Variants in PPM1E observed in about 807,000 individuals in gnomAD.
PPM1E encodes protein phosphatase 1E.
PPM1E carries 20 observed loss-of-function variants against 65.9 expected under a neutral mutation model. That is an observed-to-expected ratio of 0.30 (90% CI 0.21 to 0.44). The LOEUF (loss-of-function observed/expected upper bound fraction) is 0.44. PPM1E is among the 20% of genes least tolerant of loss of function. The pLI, the probability that PPM1E is intolerant of heterozygous loss-of-function variation, is 1.00. For synonymous variants in PPM1E, 352 were observed against 374.9 expected (o/e 0.94, Z 0.70); for missense variants, 713 against 953.1 (o/e 0.75, Z 3.32).
At chr17:58,819,182 G>A (rs1369247729) in intron 1 of PPM1E, among the ~76,000 whole-genome samples, 1 of 152,152 alleles carries the variant, frequency 6.6e-6, no homozygotes, top group African/African-American at 2.4e-5. Context: ...GTCTCACTCT[G>A]TCACCCAGGC....
chr17:58,756,532 C>T (rs1181425555), intron 1 of PPM1E, 71 bp downstream of exon 1: 1 of 1,254,050 alleles, frequency 8.0e-7, no homozygotes, highest in Non-Finnish European at 1.0e-6. Context: ...GCGGCTCCCT[C>T]GGCCCCTCAA....
At chr17:58,824,986 C>G (rs1164307520) in intron 1 of PPM1E, among the ~76,000 whole-genome samples, 1 of 151,684 alleles carries the variant, frequency 6.6e-6, no homozygotes, top group Admixed American at 6.6e-5. Flanking sequence ...GATGCAAAGG[C>G]ATAAGAAGGA....
intron 1 of PPM1E, among the ~76,000 whole-genome samples, chr17:58,803,160 A>G (rs1325267404): frequency 6.6e-6 from 1 of 152,198 alleles, no homozygotes; most frequent in African/African-American, 2.4e-5. Context: ...TCCTGATCTT[A>G]AAGGAAAAGC....
At chr17:58,865,538 G>A (rs541678608) in intron 1 of PPM1E, among the ~76,000 whole-genome samples, 12 of 152,172 alleles carry the variant, frequency 7.9e-5, no homozygotes, top group South Asian at 4.1e-4. Flanking sequence ...GGCGAAACCC[G>A]TCTCTACAAA....
intron 1 of PPM1E, among the ~76,000 whole-genome samples, chr17:58,823,027 T>A (rs2050496294): frequency 6.6e-6 from 1 of 152,340 alleles, no homozygotes; most frequent in Admixed American, 6.5e-5. Context: ...CTCTTCTTGT[T>A]TGACCTGGGG....
intron 4 of PPM1E, 105 bp downstream of exon 4, chr17:58,969,832 T>A: frequency 2.8e-6 from 3 of 1,057,584 alleles, no homozygotes; most frequent in Non-Finnish European, 4.1e-6. Flanking sequence ...GGGCAGACAT[T>A]ATCCAAACTG....
At chr17:58,965,974 T>C in intron 3 of PPM1E, 81 bp downstream of exon 3, 1 of 1,372,332 alleles carries the variant, frequency 7.3e-7, no homozygotes, top group Non-Finnish European at 1.0e-6. Context: ...AAGGAAAACT[T>C]CTGTTATATT....
In PPM1E at chr17:58,981,075, A is replaced by G. The variant is rs1195498751; in HGVS notation, c.*44A>G. On this transcript the variant is annotated 3_prime_UTR_variant, in exon 7 of 7. Transcript: ENST00000308249. ...TAGCTAGCTCTCCCCCAATAAAAAT[A>G]CCACTATCAGAGTAGAAACAAGGTA... The G allele has an allele frequency of 1.5e-6, 2 of 1,350,184 alleles. No homozygotes were observed. The highest frequency in any genetic ancestry group is 1.5e-5 in the African/African-American group (1 of 68,080). 83.6% of individuals were successfully genotyped at this position (1,350,184 alleles called of 1,614,324 possible).
chr17:58,828,127 G>A (rs928681381), intron 1 of PPM1E, among the ~76,000 whole-genome samples: 3 of 150,706 alleles, frequency 2.0e-5, no homozygotes, highest in Admixed American at 1.3e-4. Flanking sequence ...GCTGAGGCAG[G>A]AGAATCACTT....
At chr17:58,790,728 A>G (rs1270021513) in intron 1 of PPM1E, among the ~76,000 whole-genome samples, 1 of 152,062 alleles carries the variant, frequency 6.6e-6, no homozygotes, top group Non-Finnish European at 1.5e-5. Flanking sequence ...CTGAACTTCA[A>G]TGGCCAGAAT....
At chr17:58,891,266 GA>G (rs2051340984) in intron 1 of PPM1E, among the ~76,000 whole-genome samples, 1 of 152,000 alleles carries the variant, frequency 6.6e-6, no homozygotes, top group African/African-American at 2.4e-5. Flanking sequence ...CGCACCTGGT[GA>G]AATTAAATAA....
intron 1 of PPM1E, among the ~76,000 whole-genome samples, chr17:58,767,672 C>T (rs1333205508): frequency 2.0e-5 from 3 of 152,126 alleles, no homozygotes; most frequent in South Asian, 2.1e-4. Flanking sequence ...GATGGAGTTT[C>T]GCTCTTGTTG....
chr17:58,956,435 C>CA (rs1157561564), intron 2 of PPM1E, among the ~76,000 whole-genome samples: 96 of 110,096 alleles, frequency 8.7e-4, no homozygotes, highest in African/African-American at 3.0e-3. Context: ...AACTCTGTCT[C>CA]AAAAAAAAAC....
intron 1 of PPM1E, among the ~76,000 whole-genome samples, chr17:58,881,931 G>T (rs910426928): frequency 3.0e-4 from 43 of 144,480 alleles, no homozygotes; most frequent in Non-Finnish European, 4.5e-4. Flanking sequence ...TACTGAGGCA[G>T]TTGGATGACT....
rs769666977 is a variant in PPM1E, at chr17:58,756,073, TGCG to T, written c.86_88del (p.Gly29del). On this transcript the variant is annotated inframe_deletion, in exon 1 of 7. Transcript: ENST00000308249. ...ATTCCTGGGCGAGTTTCGCGGACCG[TGCG>T]GCGGCGGCGAGCCGGAGCCGGAACC... is the stretch of plus-strand genomic sequence containing the variant. The T allele has an allele frequency of 6.2e-7, 1 of 1,611,736 alleles. No individual in the cohort carries two copies. The highest frequency in any genetic ancestry group is 1.1e-5 in the South Asian group (1 of 90,926).
Position 58,969,605 on chromosome 17 carries a change from G to GC in PPM1E, c.852dup (p.Ser285LeufsTer7). The stretch of plus-strand genomic sequence containing the variant: ...TGGGGGAGTAGATGCTGCTATTTAT[G>GC]CCTCCATTCACCTCCACGTTAACTT... On this transcript the variant is annotated frameshift_variant, in exon 4 of 7. Transcript: ENST00000308249. LOFTEE classifies it high-confidence loss of function. 1 of 1,614,112 alleles carries GC rather than the reference G, an allele frequency of 6.2e-7. No homozygotes were observed.
At chr17:58,842,936 T>C (rs2050734009) in intron 1 of PPM1E, among the ~76,000 whole-genome samples, 1 of 151,456 alleles carries the variant, frequency 6.6e-6, no homozygotes, top group Admixed American at 6.6e-5. Flanking sequence ...AACATCTCTG[T>C]CTCAAAAAAA....
rs534692247 is a variant in PPM1E at position 58,962,772 on chromosome 17, C to T, written c.584-2922C>T. On this transcript the variant is annotated intron_variant, in intron 2 of 6. Coordinates refer to ENST00000308249, the MANE Select transcript of PPM1E (RefSeq NM_014906.5). ...CTCTTTTAAATTCACCCTTGGTTTT[C>T]AGTTACATAAAAATGCTAACAGTAG... Among the ~76,000 whole-genome samples, 18 of 152,230 alleles carry T rather than the reference C, an allele frequency of 1.2e-4. No individual in the cohort carries two copies. In the South Asian group the frequency reaches 3.7e-3, roughly 32 times the overall value.
At chr17:58,872,700 A>G (rs552632908) in intron 1 of PPM1E, among the ~76,000 whole-genome samples, 1 of 152,308 alleles carries the variant, frequency 6.6e-6, no homozygotes, top group South Asian at 2.1e-4. Flanking sequence ...CTTGCTACTA[A>G]AAACAAAAAT....
Sources: allele counts gnomAD v4.1 joint callset (sites outside exome capture counted in the v4.1 genomes callset), GRCh38; gene constraint gnomAD v4.1.1; transcripts MANE v1.5; gene names NCBI Gene and HGNC (gene_info 2026-07-23, HGNC 2026-07-21).